The following LURAP1L variants were observed in gnomAD, a reference collection of about 807,000 sequenced individuals.
LURAP1L encodes leucine rich adaptor protein 1 like, also known as leucine rich adaptor protein 1-like.
LURAP1L carries 12 observed loss-of-function variants against 13.8 expected under a neutral mutation model. The observed-to-expected ratio is 0.87, with a 90% CI of 0.56 to 1.41. LURAP1L has a LOEUF of 1.41. Ranked by LOEUF, LURAP1L falls within the 40% of genes most tolerant of loss-of-function variation. LURAP1L has a pLI of 0.00. For missense variants in LURAP1L, 375 were observed against 292.9 expected (o/e 1.28, Z -2.04); for synonymous variants, 139 against 119.2 (o/e 1.17, Z -1.08).
intron 1 of LURAP1L, among the ~76,000 whole-genome samples, chr9:12,788,148 GAAGAAAGAAAGAAAGAAAGA>G (rs35187096): frequency 2.6e-5 from 3 of 117,330 alleles, no homozygotes; most frequent in Non-Finnish European, 5.1e-5. Flanking sequence ...GAAAGAGAAA[GAAGAAAGAAAGAAAGAAAGA>G]AAGAAAGAAA....
At chr9:12,791,742 T>A (rs1187560602) in intron 1 of LURAP1L, among the ~76,000 whole-genome samples, 1 of 151,500 alleles carries the variant, frequency 6.6e-6, no homozygotes, top group Non-Finnish European at 1.5e-5. Flanking sequence ...TTCAACTTTC[T>A]TAAGAAATTT....
At chr9:12,807,702 C>T (rs1189305188) in intron 1 of LURAP1L, among the ~76,000 whole-genome samples, 2 of 152,072 alleles carry the variant, frequency 1.3e-5, no homozygotes, top group Non-Finnish European at 2.9e-5. Context: ...GGATTAATAG[C>T]GATCATATTT....
chr9:12,780,880 T>C (rs531830330), intron 1 of LURAP1L, among the ~76,000 whole-genome samples: 2 of 152,184 alleles, frequency 1.3e-5, no homozygotes. Flanking sequence ...CTTCTGACAT[T>C]TTGTTTGTTT....
At chr9:12,811,361 T>C (rs1160635741) in intron 1 of LURAP1L, among the ~76,000 whole-genome samples, 1 of 152,226 alleles carries the variant, frequency 6.6e-6, no homozygotes, top group Non-Finnish European at 1.5e-5. Flanking sequence ...ATAGGGGATA[T>C]AATTTATAAG....
chr9:12,776,062 C>T, intron 1 of LURAP1L, 35 bp downstream of exon 1: 3 of 1,595,814 alleles, frequency 1.9e-6, no homozygotes, highest in South Asian at 1.1e-5. Context: ...GGGCTGGGAC[C>T]TGGGCTGGGC....
intron 1 of LURAP1L, among the ~76,000 whole-genome samples, chr9:12,810,992 C>T (rs1239186911): frequency 6.6e-6 from 1 of 152,172 alleles, no homozygotes; most frequent in Non-Finnish European, 1.5e-5. Context: ...TCTGAGTCTT[C>T]ATTATATTTC....
chr9:12,805,978 A>G (rs147544984), intron 1 of LURAP1L, among the ~76,000 whole-genome samples: 3 of 152,332 alleles, frequency 2.0e-5, no homozygotes, highest in African/African-American at 7.2e-5. Context: ...AGAAAAACAG[A>G]ATCAGAAGAC....
intron 1 of LURAP1L, among the ~76,000 whole-genome samples, chr9:12,795,611 A>T (rs1481857770): frequency 3.3e-5 from 5 of 152,022 alleles, no homozygotes; most frequent in African/African-American, 1.2e-4. Flanking sequence ...GAAAAGGTAA[A>T]ATCAGCCTAA....
At chr9:12,777,183 T>A in intron 1 of LURAP1L, 4 of 928,472 alleles carry the variant, frequency 4.3e-6, no homozygotes, top group Non-Finnish European at 5.1e-6. Flanking sequence ...TATCATTTAG[T>A]GATTGTTATT....
At chr9:12,816,201 G>C (rs547316005) in intron 1 of LURAP1L, among the ~76,000 whole-genome samples, 1 of 152,112 alleles carries the variant, frequency 6.6e-6, no homozygotes, top group Non-Finnish European at 1.5e-5. Context: ...GTTATAAGAC[G>C]TTATTAAATA....
chr9:12,814,986 G>A (rs1039144318), intron 1 of LURAP1L, among the ~76,000 whole-genome samples: 1 of 152,196 alleles, frequency 6.6e-6, no homozygotes, highest in East Asian at 1.9e-4. Context: ...GGAAGGAACA[G>A]CACTGACTTT....
At chr9:12,803,573 T>A (rs931420339) in intron 1 of LURAP1L, among the ~76,000 whole-genome samples, 2 of 152,176 alleles carry the variant, frequency 1.3e-5, no homozygotes, top group Non-Finnish European at 2.9e-5. Context: ...AGTGTACATA[T>A]AAACATGATA....
rs573305237 is a variant in LURAP1L at position 12,790,697 on chromosome 9, A to G, written c.312+14670A>G. The G allele has an allele frequency of 4.0e-5, 6 of 151,634 alleles. No individual in the cohort carries two copies. The East Asian group carries it at 7.8e-4, about 20-fold the overall frequency. The allele number at this position is 151,634 out of a possible 1,614,324, so 9.4% of individuals were successfully genotyped here. ...TCCTCAGATATTGTCACTCTCAGGA[A>G]CCATTGTTCTCAGAGTTGTCGGAAG... is the stretch of plus-strand genomic sequence containing the variant. On this transcript the variant is annotated intron_variant, in intron 1 of 1. Coordinates refer to ENST00000319264, the MANE Select transcript of LURAP1L (RefSeq NM_203403.2).
At chr9:12,815,543 C>G (rs1206159969) in intron 1 of LURAP1L, among the ~76,000 whole-genome samples, 2 of 152,102 alleles carry the variant, frequency 1.3e-5, no homozygotes, top group Non-Finnish European at 2.9e-5. Context: ...GCAAAGAAGT[C>G]CTTCTTCCTT....
chr9:12,816,612 A>G (rs1819807734), intron 1 of LURAP1L, among the ~76,000 whole-genome samples: 1 of 152,220 alleles, frequency 6.6e-6, no homozygotes, highest in African/African-American at 2.4e-5. Flanking sequence ...GAAGAAAAAA[A>G]GATATCTGGG....
At chr9:12,811,394 T>A (rs1470234386) in intron 1 of LURAP1L, among the ~76,000 whole-genome samples, 1 of 152,232 alleles carries the variant, frequency 6.6e-6, no homozygotes, top group East Asian at 1.9e-4. Context: ...AAAGCATCAT[T>A]TTTGTCATTA....
At chr9:12,813,979 T>C (rs145640317) in intron 1 of LURAP1L, among the ~76,000 whole-genome samples, 442 of 152,292 alleles carry the variant, frequency 2.9e-3, no homozygotes, top group African/African-American at 9.9e-3. Context: ...AATCAGTTGG[T>C]TATATGGAAT....
Position 12,821,556 on chromosome 9 carries a change from T to G in LURAP1L, c.483T>G (p.Arg161=), listed in dbSNP as rs757179501. 1.2e-6 allele frequency: 2 copies of G among 1,614,130 alleles called. No individual in the cohort carries two copies. The highest frequency in any genetic ancestry group is 1.7e-6 in the Non-Finnish European group (2 of 1,180,026). ...SLLESQSTSL[R]GSYNSLHDGS... ...TGGAGAGTCAGAGCACCTCCTTACGTGGCAGCTACAACAGCCTACACGATG... is the reference window on the plus strand; with the variant it reads ...TGGAGAGTCAGAGCACCTCCTTACGGGGCAGCTACAACAGCCTACACGATG... Residue 161 remains arginine, a synonymous_variant, in exon 2 of 2, where the codon CGT becomes CGG. Coordinates refer to ENST00000319264, the MANE Select transcript of LURAP1L (RefSeq NM_203403.2).
intron 1 of LURAP1L, among the ~76,000 whole-genome samples, chr9:12,809,338 T>C (rs1819706097): frequency 6.6e-6 from 1 of 152,216 alleles, no homozygotes; most frequent in Non-Finnish European, 1.5e-5. Flanking sequence ...TCTTTTTGCA[T>C]TTCAGTTTGG....
Sources: allele counts gnomAD v4.1 joint callset (sites outside exome capture counted in the v4.1 genomes callset), GRCh38; gene constraint gnomAD v4.1.1; transcripts MANE v1.5; gene names NCBI Gene and HGNC (gene_info 2026-07-23, HGNC 2026-07-21).